PTPRD: variants seen among roughly 807,000 people sequenced by gnomAD.
PTPRD encodes the protein receptor-type tyrosine-protein phosphatase delta.
PTPRD carries 34 observed loss-of-function variants against 214.5 expected under a neutral mutation model. The ratio of observed to expected loss-of-function variants is 0.16; its 90% CI spans 0.12 to 0.21. PTPRD has a LOEUF of 0.21. Ranked by LOEUF, PTPRD falls within the 10% of genes least tolerant of loss-of-function variation. The pLI is 1.00. For synonymous variants in PTPRD, 1,128 were observed against 845.7 expected, an observed-to-expected ratio of 1.33 and a Z score of -5.79; for missense variants, 2,545 against 2,398.7, an observed-to-expected ratio of 1.06 and a Z score of -1.27.
intron 30 of PTPRD, among the ~76,000 whole-genome samples, chr9:8,472,870 G>T (rs1329880357): frequency 6.6e-6 from 1 of 152,120 alleles, no homozygotes; most frequent in Non-Finnish European, 1.5e-5. Flanking sequence ...GTCTGGCTGG[G>T]AGTTTGGGCT....
intron 39 of PTPRD, among the ~76,000 whole-genome samples, chr9:8,343,932 A>T (rs1588179674): frequency 6.6e-6 from 1 of 152,022 alleles, no homozygotes; most frequent in East Asian, 1.9e-4. Context: ...AAGGGTTTGG[A>T]ATTATGTAAG....
At chr9:10,068,130 G>A (rs1412995358) in intron 3 of PTPRD, among the ~76,000 whole-genome samples, 2 of 151,942 alleles carry the variant, frequency 1.3e-5, no homozygotes, top group Non-Finnish European at 2.9e-5. Context: ...GGAACACTGA[G>A]TTTATAGAGT....
At chr9:10,032,946 G>T (rs1048002345) in intron 4 of PTPRD, among the ~76,000 whole-genome samples, 5 of 151,878 alleles carry the variant, frequency 3.3e-5, no homozygotes, top group Non-Finnish European at 7.4e-5. Context: ...AACTGATGAA[G>T]TATTCCACCC....
At chr9:8,872,981 T>C (rs2098327955) in intron 11 of PTPRD, among the ~76,000 whole-genome samples, 1 of 152,202 alleles carries the variant, frequency 6.6e-6, no homozygotes, top group Non-Finnish European at 1.5e-5. Context: ...AATGTTTACT[T>C]GAAGTGAGAA....
At chr9:8,632,121 T>TTGTGTG (rs146691738) in intron 14 of PTPRD, among the ~76,000 whole-genome samples, 6,149 of 144,580 alleles carry the variant, frequency 0.043, 132 homozygotes, top group Non-Finnish European at 0.05. Context: ...AATTGCTTCT[T>TTGTGTG]TGTGTGTGTG....
At chr9:8,551,744 T>C (rs1356254080) in intron 14 of PTPRD, among the ~76,000 whole-genome samples, 1 of 152,174 alleles carries the variant, frequency 6.6e-6, no homozygotes, top group Non-Finnish European at 1.5e-5. Flanking sequence ...TTTCCAAACA[T>C]AATGAAGAAA....
At chr9:9,039,151 C>G (rs2099631468) in intron 10 of PTPRD, among the ~76,000 whole-genome samples, 1 of 152,072 alleles carries the variant, frequency 6.6e-6, no homozygotes, top group Non-Finnish European at 1.5e-5. Context: ...AAAGCTATAC[C>G]TTAAACAGGA....
rs1268546002 is a variant in PTPRD at position 9,923,121 on chromosome 9, G to T, written c.-368+15386C>A. Among the ~76,000 whole-genome samples the T allele has an allele frequency of 8.8e-3, 398 of 45,336 alleles. 2 individuals are homozygous for T. The African/African-American group carries it at 0.11, about 12-fold the overall frequency. The allele number at this position is 45,336 out of a possible 152,430, so 29.7% of individuals were successfully genotyped here. ...GAAAAAAAAAGGACTGTGTGTGTGG[G>T]GGGTGTGTGTGTGTGTGTGTGTGTG... On this transcript the variant is annotated intron_variant, in intron 5 of 45. Coordinates refer to ENST00000381196, the MANE Select transcript of PTPRD (RefSeq NM_002839.4).
intron 10 of PTPRD, among the ~76,000 whole-genome samples, chr9:9,115,657 T>C (rs2154458364): frequency 6.6e-6 from 1 of 152,296 alleles, no homozygotes; most frequent in South Asian, 2.1e-4. Context: ...TAACTCATTT[T>C]ATAAAAAAGA....
intron 9 of PTPRD, among the ~76,000 whole-genome samples, chr9:9,272,277 C>T (rs920027091): frequency 6.6e-6 from 1 of 151,090 alleles, no homozygotes; most frequent in Admixed American, 6.6e-5. Context: ...GATATGCAGG[C>T]ACACTTTAAT....
At chr9:8,766,912 A>G (rs943108353) in intron 11 of PTPRD, among the ~76,000 whole-genome samples, 4 of 152,188 alleles carry the variant, frequency 2.6e-5, no homozygotes, top group Non-Finnish European at 4.4e-5. Flanking sequence ...AATTGGCTTC[A>G]TAGGTTTCGC....
chr9:9,199,171 C>T lies in PTPRD; in HGVS notation c.-202-15808G>A, dbSNP rs141151461. On this transcript the variant is annotated intron_variant, in intron 9 of 45. Coordinates refer to ENST00000381196, the MANE Select transcript of PTPRD (RefSeq NM_002839.4). ...AAAAAAAAGAAAGAGGAGAGAATGA[C>T]TAGTTGCACCTAGGGTATTTTGTAA... is the stretch of plus-strand genomic sequence containing the variant. 2.1e-3 allele frequency among the ~76,000 whole-genome samples: 319 copies of T among 152,256 alleles called. 2 individuals are homozygous for T. Among genetic ancestry groups the T allele is most frequent in the African/African-American group, 7.3e-3 (304 of 41,562 alleles).
intron 11 of PTPRD, among the ~76,000 whole-genome samples, chr9:9,009,851 T>G (rs1124202): frequency 0.56 from 84,433 of 151,642 alleles, 24,453 homozygotes; most frequent in Middle Eastern, 0.65. Context: ...TATACTAATC[T>G]TCATAAATTC....
intron 2 of PTPRD, among the ~76,000 whole-genome samples, chr9:10,358,267 T>A (rs1163301002): frequency 1.3e-5 from 2 of 152,160 alleles, no homozygotes; most frequent in African/African-American, 4.8e-5. Context: ...GTCCAGAAAT[T>A]CTTCAAATAC....
At chr9:8,847,113 C>T (rs2097711958) in intron 11 of PTPRD, among the ~76,000 whole-genome samples, 1 of 151,778 alleles carries the variant, frequency 6.6e-6, no homozygotes, top group African/African-American at 2.4e-5. Context: ...ACAAGTGTAA[C>T]TGAGAGAAAA....
intron 31 of PTPRD, among the ~76,000 whole-genome samples, chr9:8,467,652 T>C (rs1263068175): frequency 2.6e-5 from 4 of 151,888 alleles, no homozygotes; most frequent in African/African-American, 7.2e-5. Context: ...TAAGGAAATA[T>C]AATGTTTAAG....
At chr9:9,134,397 C>G (rs10977513) in intron 10 of PTPRD, among the ~76,000 whole-genome samples, 8,037 of 152,094 alleles carry the variant, frequency 0.053, 503 homozygotes, top group African/African-American at 0.14. Flanking sequence ...CTCTTTTCCT[C>G]TATTCCCATC....
intron 2 of PTPRD, among the ~76,000 whole-genome samples, chr9:10,385,815 T>C (rs891048704): frequency 6.6e-6 from 1 of 151,726 alleles, no homozygotes; most frequent in Non-Finnish European, 1.5e-5. Context: ...TGAAAGGTGA[T>C]AGATGGTCAA....
chr9:8,334,703 G>T (rs1439821834), intron 43 of PTPRD, among the ~76,000 whole-genome samples: 1 of 103,182 alleles, frequency 9.7e-6, no homozygotes, highest in Non-Finnish European at 2.1e-5. Context: ...AACTGAAGGA[G>T]ATAGACACAC....
Sources: gnomAD v4.1 joint callset for allele counts (sites outside exome capture counted in the v4.1 genomes callset) on GRCh38, gnomAD v4.1.1 for gene constraint, MANE v1.5 for transcripts, NCBI Gene and HGNC (gene_info 2026-07-23, HGNC 2026-07-21) for gene names.